NBEA: variants seen among roughly 807,000 people sequenced by gnomAD.
NBEA encodes the protein lysosomal-trafficking regulator 2.
NBEA carries 44 observed loss-of-function variants against 343.4 expected under a neutral mutation model. The observed-to-expected ratio is 0.13, with a 90% CI of 0.10 to 0.16. The LOEUF is 0.16. Among genes scored for constraint, NBEA ranks in the 10% least tolerant of loss-of-function variants. NBEA has a pLI of 1.00. For synonymous variants in NBEA, 1,175 were observed against 1,238.7 expected (o/e 0.95, Z 1.08); for missense variants, 2,555 against 3,631.3 (o/e 0.70, Z 7.62).
At chr13:35,259,055 C>G (rs1371761891) in intron 34 of NBEA, among the ~76,000 whole-genome samples, 1 of 152,188 alleles carries the variant, frequency 6.6e-6, no homozygotes, top group East Asian at 1.9e-4. Flanking sequence ...AGTACATAAC[C>G]CCATTTTAAG....
intron 41 of NBEA, among the ~76,000 whole-genome samples, chr13:35,528,460 A>G (rs1316838199): frequency 1.3e-5 from 2 of 152,250 alleles, no homozygotes; most frequent in African/African-American, 2.4e-5. Context: ...CTACAATTGT[A>G]GGCAAATTTG....
rs1218459341 is a variant in NBEA, at chr13:35,174,796, AT to A, written c.4554+1217del. 4.9e-3 allele frequency among the ~76,000 whole-genome samples: 702 copies of A among 143,202 alleles called. 2 individuals carry two copies. Among genetic ancestry groups the A allele is most frequent in the African/African-American group, 8.8e-3 (344 of 39,108 alleles). 93.9% of individuals were successfully genotyped at this position (143,202 alleles called of 152,430 possible). On this transcript the variant is annotated intron_variant, in intron 27 of 58. Coordinates refer to ENST00000379939, the MANE Select transcript of NBEA (RefSeq NM_001385012.1). ...TATAGATCTTTGTAACTTCAGAGTA[AT>A]TTTTTTTTTTTTTTGAGATGGAGTC...
intron 10 of NBEA, among the ~76,000 whole-genome samples, chr13:35,075,908 G>A (rs1412636901): frequency 6.6e-6 from 1 of 151,818 alleles, no homozygotes; most frequent in Non-Finnish European, 1.5e-5. Context: ...TCCTTTATCT[G>A]ACCATGTTTC....
intron 1 of NBEA, among the ~76,000 whole-genome samples, chr13:35,027,935 G>T (rs1456694433): frequency 6.6e-6 from 1 of 151,818 alleles, no homozygotes; most frequent in African/African-American, 2.4e-5. Context: ...TAAAAAGGTT[G>T]TTCATCCTCC....
rs188944565 is a variant in NBEA, at chr13:35,464,616, A to G, written c.6449-7784A>G. 7.2e-4 allele frequency among the ~76,000 whole-genome samples: 110 copies of G among 152,278 alleles called. 1 individual carries two copies. Among genetic ancestry groups the G allele is most frequent in the Admixed American group, 6.4e-3 (98 of 15,300 alleles). On this transcript the variant is annotated intron_variant, in intron 40 of 58. Coordinates refer to ENST00000379939, the MANE Select transcript of NBEA (RefSeq NM_001385012.1). Reference sequence around the variant, plus strand: ...AATCAGATCACCAATTTTGAATCCTATCTCTCATTTACTAGTTGTATGACC... The same window carrying G: ...AATCAGATCACCAATTTTGAATCCTGTCTCTCATTTACTAGTTGTATGACC...
At chr13:35,298,975 A>G (rs1203076812) in intron 35 of NBEA, among the ~76,000 whole-genome samples, 2 of 152,100 alleles carry the variant, frequency 1.3e-5, no homozygotes, top group African/African-American at 4.8e-5. Context: ...GTAATTATGT[A>G]TGTTTTATAT....
intron 1 of NBEA, among the ~76,000 whole-genome samples, chr13:34,997,334 G>A (rs1473992165): frequency 6.6e-6 from 1 of 152,144 alleles, no homozygotes; most frequent in African/African-American, 2.4e-5. Context: ...TCTCCATGAG[G>A]GAACAATTCG....
At chr13:35,646,597 A>G (rs1022213231) in intron 51 of NBEA, among the ~76,000 whole-genome samples, 1 of 152,182 alleles carries the variant, frequency 6.6e-6, no homozygotes, top group East Asian at 1.9e-4. Flanking sequence ...GTATGACTCT[A>G]CATAAACTCA....
chr13:35,102,065 G>A (rs1013364636), intron 11 of NBEA, among the ~76,000 whole-genome samples: 2 of 151,350 alleles, frequency 1.3e-5, no homozygotes, highest in African/African-American at 4.9e-5. Context: ...TTTTGTATAT[G>A]GTATGAGGTA....
intron 49 of NBEA, 132 bp downstream of exon 49, chr13:35,628,380 T>C (rs2083314639): frequency 1.5e-6 from 1 of 687,494 alleles, no homozygotes; most frequent in Admixed American, 3.7e-5. Context: ...GTTCTTGACA[T>C]ATGTGGAAAA....
chr13:35,626,730 A>T (rs1322628714), intron 48 of NBEA, among the ~76,000 whole-genome samples: 1 of 152,182 alleles, frequency 6.6e-6, no homozygotes, highest in African/African-American at 2.4e-5. Flanking sequence ...ATACAAATTG[A>T]CCAAACTAAT....
chr13:35,163,339 A>G (rs1320924479), intron 23 of NBEA, among the ~76,000 whole-genome samples: 4 of 151,928 alleles, frequency 2.6e-5, no homozygotes, highest in African/African-American at 4.8e-5. Flanking sequence ...TCTTTTTTTT[A>G]ATCTTATTTT....
intron 34 of NBEA, among the ~76,000 whole-genome samples, chr13:35,249,713 C>G (rs2031723432): frequency 1.3e-5 from 2 of 152,130 alleles, no homozygotes; most frequent in Admixed American, 1.3e-4. Context: ...TCTAGAAATT[C>G]CAGTTCTGGG....
intron 1 of NBEA, among the ~76,000 whole-genome samples, chr13:35,000,992 A>C (rs1404081118): frequency 6.6e-6 from 1 of 151,714 alleles, no homozygotes; most frequent in East Asian, 1.9e-4. Flanking sequence ...TTAAGAGAGG[A>C]GGTCTTAGTA....
intron 10 of NBEA, among the ~76,000 whole-genome samples, chr13:35,078,688 G>A (rs2064230227): frequency 6.6e-6 from 1 of 152,138 alleles, no homozygotes; most frequent in Non-Finnish European, 1.5e-5. Flanking sequence ...GAATAATAAT[G>A]CAATCTCCCA....
chr13:35,045,100 T>C (rs1383913426), intron 3 of NBEA, 53 bp downstream of exon 3: 2 of 1,481,164 alleles, frequency 1.4e-6, no homozygotes, highest in African/African-American at 2.8e-5. Context: ...TAATACTTAA[T>C]GTTCAAAAGT....
intron 1 of NBEA, among the ~76,000 whole-genome samples, chr13:34,975,320 A>G (rs748072315): frequency 6.6e-6 from 1 of 152,232 alleles, no homozygotes; most frequent in Non-Finnish European, 1.5e-5. Flanking sequence ...ACATACAGCC[A>G]GCTGATCTTC....
At chr13:35,111,043 A>G (rs2066176671) in intron 13 of NBEA, 65 bp downstream of exon 13, 1 of 1,377,742 alleles carries the variant, frequency 7.3e-7, no homozygotes, top group Middle Eastern at 2.0e-4. Context: ...GAGTACTGTT[A>G]AAGTGAGCAG....
chr13:35,333,195 C>T (rs758444960), intron 36 of NBEA, among the ~76,000 whole-genome samples: 1 of 151,842 alleles, frequency 6.6e-6, no homozygotes, highest in African/African-American at 2.4e-5. Flanking sequence ...GATTTTAGAT[C>T]TCTAAGGGCT....
Sources: gnomAD v4.1 joint callset for allele counts (sites outside exome capture counted in the v4.1 genomes callset) on GRCh38, gnomAD v4.1.1 for gene constraint, MANE v1.5 for transcripts, NCBI Gene and HGNC (gene_info 2026-07-23, HGNC 2026-07-21) for gene names.